Variants in SNRNP70 observed in about 807,000 individuals in gnomAD.
The protein encoded by SNRNP70 is U1 small nuclear ribonucleoprotein 70 kDa.
Under a neutral mutation model 50.5 loss-of-function variants are expected in SNRNP70, and 8 were observed. That is an observed-to-expected ratio of 0.16 (90% CI 0.09 to 0.29). The LOEUF is 0.29. SNRNP70 is among the 10% of genes least tolerant of loss of function. The probability of loss-of-function intolerance (pLI) is 1.00; values close to 1 mark genes in which losing one functional copy is unlikely to be tolerated. For missense variants in SNRNP70, 529 were observed against 663.5 expected, an observed-to-expected ratio of 0.80 and a Z score of 2.23; for synonymous variants, 320 against 252.9, an observed-to-expected ratio of 1.27 and a Z score of -2.52.
intron 4 of SNRNP70, among the ~76,000 whole-genome samples, chr19:49,091,318 G>A (rs2040444363): frequency 6.6e-6 from 1 of 151,574 alleles, no homozygotes; most frequent in African/African-American, 2.4e-5. Flanking sequence ...GCAGTGAGCC[G>A]GGATCGCGTC....
At position 49,107,930 on chromosome 19, in the gene SNRNP70, G is replaced by A. The variant is rs2040696787; in HGVS notation, c.801G>A (p.Arg267=). 1 of 1,547,620 alleles carries A rather than the reference G, an allele frequency of 6.5e-7. No homozygotes were observed. Among genetic ancestry groups the A allele is most frequent in the African/African-American group, 1.4e-5 (1 of 72,924 alleles). Residue 267 remains arginine (R), a synonymous_variant, in exon 10 of 10, where the codon CGG becomes CGA. Transcript: ENST00000598441. The surrounding 1 kb of genome is among the most constrained non-coding windows in gnomAD (Gnocchi z 6.0). ...CCCGGGACCGGCGGAGGCGCTCACG[G>A]AGTCGCGACAAGGAGGAGCGGAGGC... The part of the protein sequence containing the change: ...SRSRDRRRRS[R]SRDKEERRRS...
chr19:49,092,820 TG>T (rs1408877475), intron 4 of SNRNP70, among the ~76,000 whole-genome samples: 1 of 151,600 alleles, frequency 6.6e-6, no homozygotes, highest in African/African-American at 2.4e-5. Flanking sequence ...AGGCTGGTCT[TG>T]AATTCCTGGG....
In SNRNP70 at chr19:49,107,573, C is replaced by T; in HGVS notation, c.578-52C>T. ...TTGGAGTCGGCTCATTTCTGCTCCT[C>T]CGGGCCCTGTCCCTGCCCAGATTCA... On this transcript the variant is annotated intron_variant, in intron 8 of 9. Coordinates refer to ENST00000598441, the MANE Select transcript of SNRNP70 (RefSeq NM_003089.6). The surrounding 1 kb of genome is among the most constrained non-coding windows in gnomAD (Gnocchi z 6.0). 4 of 1,569,374 alleles carry T rather than the reference C, an allele frequency of 2.5e-6. No individual in the cohort carries two copies. Among genetic ancestry groups the T allele is most frequent in the Non-Finnish European group, 3.5e-6 (4 of 1,139,662 alleles).
intron 2 of SNRNP70, among the ~76,000 whole-genome samples, chr19:49,089,981 TA>T (rs1237878956): frequency 6.6e-6 from 1 of 152,000 alleles, no homozygotes; most frequent in African/African-American, 2.4e-5. Flanking sequence ...GGCTAATTTT[TA>T]AATTTTTTGT....
chr19:49,107,560 C>G lies in SNRNP70; in HGVS notation c.578-65C>G. On this transcript the variant is annotated intron_variant, in intron 8 of 9. Coordinates refer to ENST00000598441, the MANE Select transcript of SNRNP70 (RefSeq NM_003089.6). The surrounding 1 kb of genome is among the most constrained non-coding windows in gnomAD (Gnocchi z 6.0). The stretch of plus-strand genomic sequence containing the variant: ...CTGCCCTTTGCTCTTGGAGTCGGCT[C>G]ATTTCTGCTCCTCCGGGCCCTGTCC... The G allele has an allele frequency of 6.6e-7, 1 of 1,507,102 alleles. No individual in the cohort carries two copies. Among genetic ancestry groups the G allele is most frequent in the Non-Finnish European group, 9.2e-7 (1 of 1,084,898 alleles). 93.4% of individuals were successfully genotyped at this position (1,507,102 alleles called of 1,614,324 possible).
chr19:49,102,142 C>T, intron 7 of SNRNP70: 1 of 1,289,440 alleles, frequency 7.8e-7, no homozygotes, highest in South Asian at 1.2e-5. Flanking sequence ...GCAGCTGATG[C>T]TTACGCTCCC....
Position 49,101,504 on chromosome 19 carries a change from C to A in SNRNP70, c.475+33C>A, listed in dbSNP as rs747249906. On this transcript the variant is annotated intron_variant, in intron 7 of 9. Coordinates refer to ENST00000598441, the MANE Select transcript of SNRNP70 (RefSeq NM_003089.6). ...CCTCCCGCCGAGCCCTGCCCTCTGACCTGCTCTCACTTCTCTGCTGCCCCA... is the reference window on the plus strand; with the variant it reads ...CCTCCCGCCGAGCCCTGCCCTCTGAACTGCTCTCACTTCTCTGCTGCCCCA... 3 of 1,484,568 alleles carry A rather than the reference C, an allele frequency of 2.0e-6. No homozygotes were observed. The Admixed American group carries it at 5.0e-5, about 25-fold the overall frequency. 92.0% of individuals were successfully genotyped at this position (1,484,568 alleles called of 1,614,324 possible).
Position 49,104,583 on chromosome 19 carries a change from G to C in SNRNP70, c.476-51G>C. 2.1e-6 allele frequency: 3 copies of C among 1,405,956 alleles called. No individual in the cohort carries two copies. The highest frequency in any genetic ancestry group is 3.0e-6 in the Non-Finnish European group (3 of 1,015,552). 87.1% of individuals were successfully genotyped at this position (1,405,956 alleles called of 1,614,324 possible). On this transcript the variant is annotated intron_variant, in intron 7 of 9. Coordinates refer to ENST00000598441, the MANE Select transcript of SNRNP70 (RefSeq NM_003089.6). This position sits in a 1 kb window ranked among gnomAD's most constrained non-coding sequence, Gnocchi z 5.4. ...TGTAGAGCTGGGCCTGTCCTGACTAGAGGACCCTCTGGGGACTCCTCTCCC... is the reference window on the plus strand; with the variant it reads ...TGTAGAGCTGGGCCTGTCCTGACTACAGGACCCTCTGGGGACTCCTCTCCC...
chr19:49,091,837 C>T (rs2040450979), intron 4 of SNRNP70, among the ~76,000 whole-genome samples: 1 of 152,174 alleles, frequency 6.6e-6, no homozygotes, highest in South Asian at 2.1e-4. Flanking sequence ...CAGGGGTTTT[C>T]CCTCGCCACC....
At position 49,108,104 on chromosome 19, in the gene SNRNP70, G is replaced by A. The variant is rs763150739; in HGVS notation, c.975G>A (p.Ala325=). The A allele has an allele frequency of 3.2e-5, 49 of 1,548,884 alleles. No homozygotes were observed. In the East Asian group the frequency reaches 1.1e-3, roughly 34 times the overall value. Residue 325 remains alanine, a synonymous_variant, in exon 10 of 10, where the codon GCG becomes GCA. Coordinates refer to ENST00000598441, the MANE Select transcript of SNRNP70 (RefSeq NM_003089.6). ...DMAEPSEAGD[A]PPDDGPPGEL... ...CGGAGCCCTCCGAGGCGGGTGACGC[G>A]CCCCCTGATGATGGGCCTCCAGGGG...
Position 49,090,434 on chromosome 19 carries a change from T to C in SNRNP70, c.211-32T>C, listed in dbSNP as rs770573551. On this transcript the variant is annotated intron_variant, in intron 3 of 9. Coordinates refer to ENST00000598441, the MANE Select transcript of SNRNP70 (RefSeq NM_003089.6). ...TGACACTAGGGCACTTCTATCTGCA[T>C]TCACTTCTCCACCTCCCCTTTCTCC... The C allele has an allele frequency of 2.5e-6, 4 of 1,613,932 alleles. No homozygotes were observed. In the Admixed American group the frequency reaches 6.7e-5, roughly 27 times the overall value.
intron 4 of SNRNP70, 60 bp downstream of exon 4, chr19:49,090,580 G>T (rs952400575): frequency 2.0e-6 from 3 of 1,529,138 alleles, no homozygotes; most frequent in Non-Finnish European, 2.7e-6. Flanking sequence ...ATTCTTCCCA[G>T]GTCATACCCA....
intron 4 of SNRNP70, among the ~76,000 whole-genome samples, chr19:49,097,178 C>G (rs951397918): frequency 6.6e-6 from 1 of 152,010 alleles, no homozygotes; most frequent in African/African-American, 2.4e-5. Flanking sequence ...CTGGCAACAC[C>G]CACACTGTCT....
chr19:49,104,872 C>G lies in SNRNP70; in HGVS notation c.577+137C>G. On this transcript the variant is annotated intron_variant, in intron 8 of 9. Transcript: ENST00000598441. This position sits in a 1 kb window ranked among gnomAD's most constrained non-coding sequence, Gnocchi z 5.4. The stretch of plus-strand genomic sequence containing the variant: ...TCGCGTCCTCATCTCCGGCTTCTCT[C>G]TCTTGTGGCCATCACATTTCTGACA... 3.4e-6 allele frequency: 2 copies of G among 588,284 alleles called. No homozygotes were observed. The highest frequency in any genetic ancestry group is 6.1e-5 in the East Asian group (2 of 33,054). The allele number at this position is 588,284 out of a possible 1,614,324, so 36.4% of individuals were successfully genotyped here. A position where few individuals can be genotyped will look rare whatever the true frequency, so the allele number is the denominator to read the frequency against.
At position 49,086,518 on chromosome 19, in the gene SNRNP70, A is replaced by G. The variant is rs760345744; in HGVS notation, c.104A>G (p.Asn35Ser). Residue 35 changes from asparagine (N) to serine (S), a missense_variant, in exon 2 of 10, where the codon AAT becomes AGT. Physicochemically the swap from Asn to Ser is conservative, Grantham distance 46. Around this residue, in one of 4 missense-constraint regions of SNRNP70, gnomAD observed 149 missense variants for 259.7 expected, o/e 0.57. Transcript: ENST00000598441. ...AAACTGCCACATGAAAAACACCACAATCAACCTTATTGTGGCATTGCGCCG... is the reference window on the plus strand; with the variant it reads ...AAACTGCCACATGAAAAACACCACAGTCAACCTTATTGTGGCATTGCGCCG... ...LEKLPHEKHH[N>S]QPYCGIAPYI... 8 of 1,613,932 alleles carry G rather than the reference A, an allele frequency of 5.0e-6. No individual in the cohort carries two copies. The highest frequency in any genetic ancestry group is 3.3e-5 in the South Asian group (3 of 91,076).
rs1187224247 is a variant in SNRNP70, at chr19:49,090,529, C to T, written c.265+9C>T. On this transcript the variant is annotated intron_variant, in intron 4 of 9. Coordinates refer to ENST00000598441, the MANE Select transcript of SNRNP70 (RefSeq NM_003089.6). ...GACAGAGCTTAAAATGTGTAAGTCT[C>T]TCATCCACCATTTGGCTCTCTCCTC... The T allele has an allele frequency of 3.7e-6, 6 of 1,613,706 alleles. No homozygotes were observed. Among genetic ancestry groups the T allele is most frequent in the Non-Finnish European group, 5.1e-6 (6 of 1,179,618 alleles).
In SNRNP70 at chr19:49,108,095, G is replaced by A. The variant is rs896526008; in HGVS notation, c.966G>A (p.Ala322=). Residue 322 remains alanine, a synonymous_variant, in exon 10 of 10, where the codon GCG becomes GCA. Coordinates refer to ENST00000598441, the MANE Select transcript of SNRNP70 (RefSeq NM_003089.6). ...GGGDMAEPSE[A]GDAPPDDGPP... is the part of the protein sequence containing the mutation. ...GCGACATGGCGGAGCCCTCCGAGGC[G>A]GGTGACGCGCCCCCTGATGATGGGC... 3.2e-6 allele frequency: 5 copies of A among 1,552,292 alleles called. No individual in the cohort carries two copies. The highest frequency in any genetic ancestry group is 1.4e-5 in the African/African-American group (1 of 73,734).
chr19:49,107,524 G>GGGCT lies in SNRNP70; in HGVS notation c.578-99_578-96dup. On this transcript the variant is annotated intron_variant, in intron 8 of 9. Coordinates refer to ENST00000598441, the MANE Select transcript of SNRNP70 (RefSeq NM_003089.6). The surrounding 1 kb of genome is among the most constrained non-coding windows in gnomAD (Gnocchi z 6.0). ...CCCGGCCCTGTGAACACTAAGCCAG[G>GGGCT]GGCTGCCTTCCTGCCCTTTGCTCTT... is the stretch of plus-strand genomic sequence containing the variant. 2 of 1,125,828 alleles carry GGGCT rather than the reference G, an allele frequency of 1.8e-6. No homozygotes were observed. The highest frequency in any genetic ancestry group is 3.7e-5 in the Admixed American group (2 of 54,390). The allele number at this position is 1,125,828 out of a possible 1,614,324, so 69.7% of individuals were successfully genotyped here.
intron 1 of SNRNP70, among the ~76,000 whole-genome samples, chr19:49,085,874 T>C (rs1469899433): frequency 6.6e-6 from 1 of 152,164 alleles, no homozygotes; most frequent in African/African-American, 2.4e-5. Flanking sequence ...TTCTTTTTCG[T>C]TTGTCTATGT....
Sources: allele counts gnomAD v4.1 joint callset (sites outside exome capture counted in the v4.1 genomes callset), GRCh38; gene constraint gnomAD v4.1.1; regional missense constraint gnomAD v4.1.1; non-coding constraint Gnocchi (gnomAD v3.1); transcripts MANE v1.5; gene names NCBI Gene and HGNC (gene_info 2026-07-23, HGNC 2026-07-21).